The following PBK variants were observed in gnomAD, a reference collection of about 807,000 sequenced individuals.
The protein encoded by PBK is lymphokine-activated killer T-cell-originated protein kinase.
Under a neutral mutation model 33.5 loss-of-function variants are expected in PBK, and 22 were observed. That is an observed-to-expected ratio of 0.66 (90% CI 0.47 to 0.94). The LOEUF is 0.94. Among genes scored for constraint, PBK ranks in the 40% least tolerant of loss-of-function variants. The probability of loss-of-function intolerance (pLI) is 0.00; values close to 1 mark genes in which losing one functional copy is unlikely to be tolerated. For missense variants in PBK, 376 were observed against 383.4 expected, an observed-to-expected ratio of 0.98 and a Z score of 0.16; for synonymous variants, 129 against 123.8, an observed-to-expected ratio of 1.04 and a Z score of -0.28.
chr8:27,822,987 C>G, intron 4 of PBK, 76 bp downstream of exon 4: 1 of 884,764 alleles, frequency 1.1e-6, no homozygotes. Context: ...TTAGTGAAAC[C>G]AGTTAAGAGA....
chr8:27,825,976 A>T (rs1221425593), intron 3 of PBK, among the ~76,000 whole-genome samples: 2 of 152,222 alleles, frequency 1.3e-5, no homozygotes, highest in Non-Finnish European at 2.9e-5. Flanking sequence ...ATTTAAGAAC[A>T]GGAACTATTC....
intron 1 of PBK, among the ~76,000 whole-genome samples, chr8:27,837,286 C>T (rs930266647): frequency 1.3e-5 from 2 of 152,134 alleles, no homozygotes; most frequent in African/African-American, 2.4e-5. Context: ...GACCCTGGGA[C>T]TCAACAAATA....
chr8:27,811,010 C>A lies in PBK; in HGVS notation c.720G>T (p.Met240Ile), dbSNP rs770864767. The change falls in exon 7 of 8, where the codon ATG (methionine) becomes ATT (isoleucine). Residue 240 changes from methionine to isoleucine, a missense_variant. Physicochemically the swap from Met to Ile is conservative, Grantham distance 10. Transcript: ENST00000301905. Reference sequence around the variant, plus strand: ...TAATGTGTGGAATCGATAAAGTCATCATTTCCCACAAAGTAAGGCCAAAGG... The same window carrying A: ...TAATGTGTGGAATCGATAAAGTCATAATTTCCCACAAAGTAAGGCCAAAGG... Reference protein sequence around the residue: ...IFAFGLTLWEMMTLSIPHINL... With the variant: ...IFAFGLTLWEIMTLSIPHINL... 1 of 1,612,634 alleles carries A rather than the reference C, an allele frequency of 6.2e-7. No homozygotes were observed. The highest frequency in any genetic ancestry group is 1.7e-5 in the Admixed American group (1 of 59,982).
At chr8:27,813,876 C>T (rs10866864) in intron 6 of PBK, among the ~76,000 whole-genome samples, 149,217 of 152,326 alleles carry the variant, frequency 0.98, 73,170 homozygotes, top group Middle Eastern at 1. Context: ...GATTTTGATA[C>T]CTGTGTTTGT....
chr8:27,819,867 T>C (rs1805885836), intron 6 of PBK, among the ~76,000 whole-genome samples: 1 of 152,210 alleles, frequency 6.6e-6, no homozygotes, highest in Admixed American at 6.5e-5. Flanking sequence ...ACATCATTTA[T>C]TTATAAAGTC....
chr8:27,822,462 C>T lies in PBK; in HGVS notation c.322G>A (p.Asp108Asn). 1 of 1,608,532 alleles carries T rather than the reference C, an allele frequency of 6.2e-7. No homozygotes were observed. The highest frequency in any genetic ancestry group is 8.5e-7 in the Non-Finnish European group (1 of 1,177,674). The change falls in exon 5 of 8, where the codon GAT (aspartate) becomes AAT (asparagine). Residue 108 changes from aspartate to asparagine, a missense_variant. Asp to Asn is a conservative substitution (Grantham distance 23). Coordinates refer to ENST00000301905, the MANE Select transcript of PBK (RefSeq NM_018492.4). ...TCCATAGCAAGACACAGACTGCCATCATTGGCTTCAGTAAAAGCACGATAA... is the reference window on the plus strand; with the variant it reads ...TCCATAGCAAGACACAGACTGCCATTATTGGCTTCAGTAAAAGCACGATAA... ...VGYRAFTEAN[D>N]GSLCLAMEYG... is the part of the protein sequence containing the mutation.
chr8:27,821,702 C>T (rs1038984045), intron 5 of PBK, among the ~76,000 whole-genome samples: 11 of 151,882 alleles, frequency 7.2e-5, no homozygotes, highest in Non-Finnish European at 1.5e-4. Context: ...CAAAAGATAC[C>T]ACAATTTTGA....
chr8:27,813,903 T>C (rs770394847), intron 6 of PBK, among the ~76,000 whole-genome samples: 11 of 150,698 alleles, frequency 7.3e-5, no homozygotes, highest in African/African-American at 1.2e-4. Flanking sequence ...TATTGGACTA[T>C]GATTTTTTTT....
chr8:27,837,631 C>CA (rs1194567764), intron 1 of PBK, 21 bp downstream of exon 1: 33 of 150,206 alleles, frequency 2.2e-4, no homozygotes, highest in East Asian at 3.9e-4. Context: ...CCAGGGCTCG[C>CA]AAAAAAAAAG....
chr8:27,815,926 G>C (rs1010885830), intron 6 of PBK, among the ~76,000 whole-genome samples: 2 of 152,140 alleles, frequency 1.3e-5, no homozygotes. Context: ...TAAACTAATG[G>C]TTCAGTCATT....
intron 6 of PBK, among the ~76,000 whole-genome samples, chr8:27,816,775 AATAC>A (rs1168609025): frequency 6.6e-6 from 1 of 152,054 alleles, no homozygotes; most frequent in Non-Finnish European, 1.5e-5. Flanking sequence ...CATATATGTA[AATAC>A]ATATAAGTGC....
In PBK at chr8:27,833,212, C is replaced by G. The variant is rs74300583; in HGVS notation, c.-20-79G>C. ...CATTCATGAAGAAAAATGCCAATAG[C>G]CAGGCGCAGTGGATCATGCCTGTAA... is the stretch of plus-strand genomic sequence containing the variant. On this transcript the variant is annotated intron_variant, in intron 1 of 7. Coordinates refer to ENST00000301905, the MANE Select transcript of PBK (RefSeq NM_018492.4). The G allele has an allele frequency of 7.0e-3, 5,156 of 731,632 alleles. 163 individuals carry two copies. In the East Asian group the frequency reaches 0.08, roughly 11 times the overall value. The allele number at this position is 731,632 out of a possible 1,614,324, so 45.3% of individuals were successfully genotyped here.
In PBK at chr8:27,826,083, G is replaced by GAC. The variant is rs374081690; in HGVS notation, c.152+2020_152+2021dup. Among the ~76,000 whole-genome samples the GAC allele has an allele frequency of 7.1e-4, 108 of 152,172 alleles. 1 individual carries two copies. In the East Asian group the frequency reaches 0.013, roughly 19 times the overall value. On this transcript the variant is annotated intron_variant, in intron 3 of 7. Transcript: ENST00000301905. ...TACCAGGATCCAGGACAGTGGGGGG[G>GAC]ACAGATAACATAAAACGGATTACAT... is the stretch of plus-strand genomic sequence containing the variant.
At chr8:27,819,596 T>C (rs1297157426) in intron 6 of PBK, among the ~76,000 whole-genome samples, 3 of 152,090 alleles carry the variant, frequency 2.0e-5, no homozygotes, top group Non-Finnish European at 2.9e-5. Context: ...CTTTTTATAA[T>C]TCGAAGTTTT....
Position 27,820,557 on chromosome 8 carries a change from C to A in PBK, c.595+8G>T. On this transcript the variant is annotated splice_region_variant and intron_variant, in intron 6 of 7. Transcript: ENST00000301905. ...AACAAAATTTTAAAACTTAAGAGTA[C>A]AACTTACCAGTCATATTTTCATCCA... 1.3e-6 allele frequency: 2 copies of A among 1,536,842 alleles called. No individual in the cohort carries two copies. The highest frequency in any genetic ancestry group is 1.8e-6 in the Non-Finnish European group (2 of 1,128,314).
At chr8:27,811,404 A>G (rs1805679590) in intron 6 of PBK, 1 of 547,152 alleles carries the variant, frequency 1.8e-6, no homozygotes, top group African/African-American at 1.9e-5. Context: ...TGTTGAGATT[A>G]CAGACTCTGG....
At chr8:27,819,856 G>GA (rs1805885687) in intron 6 of PBK, among the ~76,000 whole-genome samples, 2 of 152,124 alleles carry the variant, frequency 1.3e-5, no homozygotes, top group South Asian at 4.2e-4. Context: ...AATGATTACA[G>GA]ACATCATTTA....
At chr8:27,828,275 G>T in intron 2 of PBK, 77 bp from the exon 3 acceptor site, 1 of 618,598 alleles carries the variant, frequency 1.6e-6, no homozygotes. Flanking sequence ...ATATACTACT[G>T]CCAAGAGTAT....
intron 4 of PBK, among the ~76,000 whole-genome samples, chr8:27,822,701 C>T (rs1805953759): frequency 6.6e-6 from 1 of 152,042 alleles, no homozygotes; most frequent in South Asian, 2.1e-4. Flanking sequence ...TTTTATTTTC[C>T]TTTGCTTCCC....
Sources: allele counts gnomAD v4.1 joint callset (sites outside exome capture counted in the v4.1 genomes callset), GRCh38; gene constraint gnomAD v4.1.1; transcripts MANE v1.5; gene names NCBI Gene and HGNC (gene_info 2026-07-23, HGNC 2026-07-21).